Variants in FNIP2 observed in about 807,000 individuals in gnomAD.
FNIP2 encodes the protein folliculin interacting protein 2.
In FNIP2, 32 loss-of-function variants were observed where a neutral mutation model predicts 108.7. That is an observed-to-expected ratio of 0.29 (90% CI 0.22 to 0.40). The LOEUF is 0.40. Among genes scored for constraint, FNIP2 ranks in the 10% least tolerant of loss-of-function variants. The probability of loss-of-function intolerance (pLI) is 1.00; values close to 1 mark genes in which losing one functional copy is unlikely to be tolerated. For synonymous variants in FNIP2, 480 were observed against 496.7 expected (o/e 0.97, Z 0.45); for missense variants, 1,202 against 1,381.6 (o/e 0.87, Z 2.06).
chr4:158,889,611 T>C (rs892127536), intron 14 of FNIP2, among the ~76,000 whole-genome samples: 3 of 152,198 alleles, frequency 2.0e-5, no homozygotes, highest in African/African-American at 4.8e-5. Context: ...TTGCAAAAGC[T>C]AGAATTCACT....
chr4:158,887,839 GAT>G (rs1782101792), intron 14 of FNIP2, among the ~76,000 whole-genome samples: 1 of 150,790 alleles, frequency 6.6e-6, no homozygotes, highest in Admixed American at 6.6e-5. Flanking sequence ...TAGTTTTCTA[GAT>G]CTTAGAGTTC....
chr4:158,832,288 A>G, intron 5 of FNIP2, 150 bp downstream of exon 5: 1 of 597,202 alleles, frequency 1.7e-6, no homozygotes, highest in South Asian at 2.7e-5. Flanking sequence ...CTACTGTCCT[A>G]TAAACAGTGA....
intron 7 of FNIP2, among the ~76,000 whole-genome samples, chr4:158,846,935 A>G (rs1159980595): frequency 1.3e-5 from 2 of 152,176 alleles, no homozygotes; most frequent in African/African-American, 4.8e-5. Flanking sequence ...CCCCTCCCCA[A>G]TCCCCTGGAC....
chr4:158,900,769 G>A (rs1443151414), intron 16 of FNIP2, among the ~76,000 whole-genome samples: 1 of 152,082 alleles, frequency 6.6e-6, no homozygotes, highest in African/African-American at 2.4e-5. Flanking sequence ...CACAATCATG[G>A]GTCTTGACTC....
At position 158,831,219 on chromosome 4, in the gene FNIP2, A is replaced by T. The variant is rs78570347; in HGVS notation, c.382-642A>T. Among the ~76,000 whole-genome samples the T allele has an allele frequency of 2.7e-3, 413 of 152,314 alleles. 1 individual carries two copies. Among genetic ancestry groups the T allele is most frequent in the South Asian group, 0.014 (66 of 4,832 alleles). On this transcript the variant is annotated intron_variant, in intron 3 of 16. Transcript: ENST00000264433. ...TGGAGCAGTTGAACTAGTTTGAGCT[A>T]AGAGGTAAAGTCAGGCTGTGGTAGA...
chr4:158,836,330 C>T (rs1467714847), intron 7 of FNIP2: 1 of 152,216 alleles, frequency 6.6e-6, no homozygotes, highest in Non-Finnish European at 1.5e-5. Flanking sequence ...TTAACCCACT[C>T]TGTGCAACTC....
At chr4:158,872,410 T>A (rs1322066853) in intron 14 of FNIP2, 11 of 985,340 alleles carry the variant, frequency 1.1e-5, no homozygotes, top group Non-Finnish European at 1.2e-5. Context: ...CTTTTTCGTA[T>A]TTCATTTTCC....
intron 2 of FNIP2, among the ~76,000 whole-genome samples, chr4:158,827,832 C>T (rs967516048): frequency 4.6e-5 from 7 of 152,148 alleles, no homozygotes; most frequent in African/African-American, 9.7e-5. Flanking sequence ...TCCCCACCGC[C>T]CCAGCCTCCC....
In FNIP2 at chr4:158,869,235, G is replaced by A. The variant is rs760179876; in HGVS notation, c.2599G>A (p.Gly867Ser). The change falls in exon 13 of 17, where the codon GGT (glycine) becomes AGT (serine). Residue 867 changes from glycine (G) to serine (S), a missense_variant. By Grantham distance (56) the Gly-to-Ser change is moderately conservative (BLOSUM62 0). Around this residue, in one of 5 missense-constraint regions of FNIP2, gnomAD observed 878 missense variants for 990.3 expected, o/e 0.89. Transcript: ENST00000264433. ...CCAGCGGGGCCCTGGCCTCGTGGCT[G>A]GTGCGAATATCCCCTGTGGGGATGA... Reference protein sequence around the residue: ...CVQRGPGLVAGANIPCGDDNK... With the variant: ...CVQRGPGLVASANIPCGDDNK... The A allele has an allele frequency of 6.2e-7, 1 of 1,614,054 alleles. No homozygotes were observed. The highest frequency in any genetic ancestry group is 8.5e-7 in the Non-Finnish European group (1 of 1,179,892).
chr4:158,791,247 T>A (rs537449291), intron 1 of FNIP2, among the ~76,000 whole-genome samples: 10 of 151,376 alleles, frequency 6.6e-5, no homozygotes, highest in African/African-American at 2.4e-4. Context: ...CTTTAGATGT[T>A]CCTTCTGCAC....
chr4:158,860,105 C>G (rs1780196730), intron 10 of FNIP2, among the ~76,000 whole-genome samples: 1 of 152,158 alleles, frequency 6.6e-6, no homozygotes, highest in Non-Finnish European at 1.5e-5. Flanking sequence ...TAGTTTACAC[C>G]AAGTGTCCTC....
rs1780272548 is a variant in FNIP2, at chr4:158,861,196, A to G, written c.1149-146A>G. On this transcript the variant is annotated intron_variant, in intron 10 of 16. Coordinates refer to ENST00000264433, the MANE Select transcript of FNIP2 (RefSeq NM_020840.3). ...CAGTCAGATTTGGCCCGTGGGCCAT[A>G]GTGTGCAACCCCTGTTATGTGTGGA... is the stretch of plus-strand genomic sequence containing the variant. 14 of 946,196 alleles carry G rather than the reference A, an allele frequency of 1.5e-5. No homozygotes were observed. In the South Asian group the frequency reaches 2.7e-4, roughly 18 times the overall value. The allele number at this position is 946,196 out of a possible 1,614,324, so 58.6% of individuals were successfully genotyped here.
intron 2 of FNIP2, among the ~76,000 whole-genome samples, chr4:158,827,993 A>C (rs1209898466): frequency 6.6e-6 from 1 of 152,198 alleles, no homozygotes; most frequent in Non-Finnish European, 1.5e-5. Flanking sequence ...AGGAAAAAAA[A>C]AAGGCAAAGA....
chr4:158,800,848 G>A (rs1776737895), intron 1 of FNIP2, among the ~76,000 whole-genome samples: 1 of 152,040 alleles, frequency 6.6e-6, no homozygotes, highest in Admixed American at 6.6e-5. Context: ...TTATGAAGAT[G>A]TGCCACTCAT....
intron 15 of FNIP2, 125 bp downstream of exon 15, chr4:158,891,771 A>T: frequency 1.1e-6 from 1 of 897,418 alleles, no homozygotes; most frequent in Non-Finnish European, 1.7e-6. Flanking sequence ...CATAACTAAA[A>T]CTAGAACATG....
chr4:158,869,423 G>C lies in FNIP2; in HGVS notation c.2787G>C (p.Leu929=). ...TGGSLEVELP[L]PRSQSISTQN... is the part of the protein sequence containing the mutation. ...GGTCCTTGGAAGTGGAGCTGCCTCT[G>C]CCAAGGTAACTCCAGCAGGCTGGGA... is the stretch of plus-strand genomic sequence containing the variant. The change falls in exon 13 of 17, where the codon CTG becomes CTC. Residue 929 remains leucine, a synonymous_variant. Coordinates refer to ENST00000264433, the MANE Select transcript of FNIP2 (RefSeq NM_020840.3). 1 of 1,595,534 alleles carries C rather than the reference G, an allele frequency of 6.3e-7. No individual in the cohort carries two copies.
intron 12 of FNIP2, among the ~76,000 whole-genome samples, chr4:158,862,479 T>C (rs905435900): frequency 2.0e-5 from 3 of 152,198 alleles, no homozygotes; most frequent in Non-Finnish European, 2.9e-5. Context: ...TTAAAGAATT[T>C]GTGGATATTT....
At chr4:158,780,938 G>A (rs1776021682) in intron 1 of FNIP2, among the ~76,000 whole-genome samples, 1 of 151,894 alleles carries the variant, frequency 6.6e-6, no homozygotes, top group Non-Finnish European at 1.5e-5. Flanking sequence ...AGGAGGCTGA[G>A]GCAGGAGAAT....
intron 8 of FNIP2, among the ~76,000 whole-genome samples, chr4:158,852,797 G>A (rs2126655184): frequency 6.6e-6 from 1 of 152,242 alleles, no homozygotes; most frequent in South Asian, 2.1e-4. Context: ...GATAGGTCTT[G>A]GAAACCATCC....
Sources: gnomAD v4.1 joint callset for allele counts (sites outside exome capture counted in the v4.1 genomes callset) on GRCh38, gnomAD v4.1.1 for gene constraint, gnomAD v4.1.1 regional missense constraint, MANE v1.5 for transcripts, NCBI Gene and HGNC (gene_info 2026-07-23, HGNC 2026-07-21) for gene names.